Variants in WDR64 observed in about 807,000 individuals in gnomAD.
WDR64 encodes WD repeat-containing protein 64.
WDR64 carries 112 observed loss-of-function variants against 139.3 expected under a neutral mutation model. The observed-to-expected ratio is 0.80, with a 90% CI of 0.69 to 0.94. The LOEUF is 0.94. Ranked by LOEUF, WDR64 falls within the 40% of genes least tolerant of loss-of-function variation. The probability of loss-of-function intolerance (pLI) is 0.00; values close to 1 mark genes in which losing one functional copy is unlikely to be tolerated. For synonymous variants in WDR64, 444 were observed against 437.7 expected, an observed-to-expected ratio of 1.01 and a Z score of -0.18; for missense variants, 1,206 against 1,293.1, an observed-to-expected ratio of 0.93 and a Z score of 1.03.
At chr1:241,793,346 T>C (rs1659261187) in intron 25 of WDR64, among the ~76,000 whole-genome samples, 1 of 152,162 alleles carries the variant, frequency 6.6e-6, no homozygotes, top group African/African-American at 2.4e-5. Context: ...GGGGGTGTTG[T>C]TCCAGTTTGT....
chr1:241,754,883 T>C (rs1216190932), intron 14 of WDR64, among the ~76,000 whole-genome samples: 2 of 152,206 alleles, frequency 1.3e-5, no homozygotes, highest in Non-Finnish European at 2.9e-5. Flanking sequence ...TCCATAACCC[T>C]GCAAAGGACA....
chr1:241,757,330 T>C lies in WDR64; in HGVS notation c.1818T>C (p.Asp606=). The change falls in exon 15 of 28, where the codon GAT becomes GAC. Residue 606 remains aspartate, a synonymous_variant. Transcript: ENST00000437684. ...TCATGGTGATCTGGGAGCTGCCTGATGTTGTGCCTTTCCTACAAGATGGGA... is the reference window on the plus strand; with the variant it reads ...TCATGGTGATCTGGGAGCTGCCTGACGTTGTGCCTTTCCTACAAGATGGGA... ...IYLMVIWELP[D]VVPFLQDGKH... is the part of the protein sequence containing the mutation. 2 of 1,614,018 alleles carry C rather than the reference T, an allele frequency of 1.2e-6. No individual in the cohort carries two copies. The highest frequency in any genetic ancestry group is 1.7e-6 in the Non-Finnish European group (2 of 1,179,974).
chr1:241,702,936 G>A (rs1161488854), intron 8 of WDR64, among the ~76,000 whole-genome samples: 1 of 152,060 alleles, frequency 6.6e-6, no homozygotes, highest in Non-Finnish European at 1.5e-5. Context: ...TATTCTTTAT[G>A]GAAAAATTTT....
intron 10 of WDR64, among the ~76,000 whole-genome samples, chr1:241,737,839 A>T (rs985194020): frequency 6.6e-6 from 1 of 152,268 alleles, no homozygotes; most frequent in East Asian, 1.9e-4. Context: ...TCATACTCCT[A>T]GTGTGTCTAT....
chr1:241,746,361 C>T (rs1158528188), intron 13 of WDR64, among the ~76,000 whole-genome samples: 1 of 152,142 alleles, frequency 6.6e-6, no homozygotes, highest in Non-Finnish European at 1.5e-5. Context: ...ATTCTCTACT[C>T]TGAGCAATGA....
intron 7 of WDR64, among the ~76,000 whole-genome samples, chr1:241,686,525 C>T (rs1007787433): frequency 6.6e-6 from 1 of 152,128 alleles, no homozygotes. Flanking sequence ...ATCCTTGTGT[C>T]CTTAGTACCT....
chr1:241,798,582 C>T (rs183886408), intron 27 of WDR64, among the ~76,000 whole-genome samples: 85 of 152,250 alleles, frequency 5.6e-4, no homozygotes, highest in Admixed American at 1.8e-3. Flanking sequence ...GGGCATAAAA[C>T]GACCTCAGAA....
At chr1:241,731,680 A>G (rs765158354) in intron 10 of WDR64, among the ~76,000 whole-genome samples, 1 of 152,144 alleles carries the variant, frequency 6.6e-6, no homozygotes, top group Non-Finnish European at 1.5e-5. Flanking sequence ...GTACTGTTTG[A>G]ATCTGTGTAC....
intron 2 of WDR64, among the ~76,000 whole-genome samples, chr1:241,664,248 G>C (rs7367650): frequency 0.67 from 102,363 of 152,068 alleles, 35,116 homozygotes; most frequent in Non-Finnish European, 0.75. Context: ...TTGAGAATCA[G>C]GTTTTCTCAC....
At chr1:241,729,105 C>G (rs147567016) in intron 10 of WDR64, among the ~76,000 whole-genome samples, 120 of 152,278 alleles carry the variant, frequency 7.9e-4, no homozygotes, top group African/African-American at 2.8e-3. Flanking sequence ...TCATTTGTTT[C>G]CCAGAGAGCC....
At chr1:241,771,951 T>TATATATATATATATATATATAC in intron 19 of WDR64, among the ~76,000 whole-genome samples, 1 of 45,176 alleles carries the variant, frequency 2.2e-5, no homozygotes, top group East Asian at 3.5e-4. Flanking sequence ...CATACATATA[T>TATATATATATATATATATATAC]ATATATATAT....
At chr1:241,770,009 G>C (rs1053976566) in intron 17 of WDR64, among the ~76,000 whole-genome samples, 4 of 152,184 alleles carry the variant, frequency 2.6e-5, no homozygotes, top group African/African-American at 9.7e-5. Flanking sequence ...TAAGAGCTCT[G>C]GTTTGCAGGC....
intron 23 of WDR64, among the ~76,000 whole-genome samples, chr1:241,783,905 T>C (rs1444259023): frequency 6.6e-6 from 1 of 152,198 alleles, no homozygotes; most frequent in African/African-American, 2.4e-5. Context: ...AAAGGAAATG[T>C]CATGGCATTT....
intron 25 of WDR64, among the ~76,000 whole-genome samples, chr1:241,793,828 G>A (rs554397596): frequency 2.6e-5 from 4 of 152,114 alleles, no homozygotes; most frequent in African/African-American, 9.7e-5. Context: ...TTCGCCAAAG[G>A]CTCCATGTCT....
At chr1:241,670,999 C>G in intron 2 of WDR64, 75 bp from the exon 3 acceptor site, 1 of 1,058,560 alleles carries the variant, frequency 9.4e-7, no homozygotes, top group Non-Finnish European at 1.4e-6. Context: ...TTAAATTCAG[C>G]CAACATGAGA....
intron 10 of WDR64, among the ~76,000 whole-genome samples, chr1:241,730,317 C>T (rs1043652894): frequency 2.2e-4 from 33 of 152,180 alleles, no homozygotes; most frequent in Non-Finnish European, 4.1e-4. Flanking sequence ...CTATATAAGG[C>T]TTCCTTCTGA....
At chr1:241,674,508 G>C in intron 3 of WDR64, 136 bp from the exon 4 acceptor site, 1 of 560,904 alleles carries the variant, frequency 1.8e-6, no homozygotes, top group Non-Finnish European at 3.2e-6. Flanking sequence ...ACCTTCCTTA[G>C]CCTCTCAAAA....
rs747456464 is a variant in WDR64, at chr1:241,671,004, A to G, written c.277-70A>G. On this transcript the variant is annotated intron_variant, in intron 2 of 27. Coordinates refer to ENST00000437684, the MANE Select transcript of WDR64 (RefSeq NM_001367482.1). ...CTAACTAGCTTTAAATTCAGCCAACATGAGATCTGCTACTTTATAGCTAAT... is the reference window on the plus strand; with the variant it reads ...CTAACTAGCTTTAAATTCAGCCAACGTGAGATCTGCTACTTTATAGCTAAT... 75 of 1,114,178 alleles carry G rather than the reference A, an allele frequency of 6.7e-5. No homozygotes were observed. In the Admixed American group the frequency reaches 1.5e-3, roughly 22 times the overall value. 69.0% of individuals were successfully genotyped at this position (1,114,178 alleles called of 1,614,324 possible). A position where few individuals can be genotyped will look rare whatever the true frequency, so the allele number is the denominator to read the frequency against.
chr1:241,703,370 T>C lies in WDR64; in HGVS notation c.975-8432T>C, dbSNP rs1435254279. On this transcript the variant is annotated intron_variant, in intron 8 of 27. Transcript: ENST00000437684. The surrounding 1 kb of genome is among the most constrained non-coding windows in gnomAD (Gnocchi z 5.9). Reference sequence around the variant, plus strand: ...CTCTGCTTCTCTCCCTGCATCACGCTCATTAATTCATGGAACAACAGGAGA... The same window carrying C: ...CTCTGCTTCTCTCCCTGCATCACGCCCATTAATTCATGGAACAACAGGAGA... 6.6e-6 allele frequency among the ~76,000 whole-genome samples: 1 copy of C among 152,000 alleles called. No individual in the cohort carries two copies. The highest frequency in any genetic ancestry group is 2.4e-5 in the African/African-American group (1 of 41,380).
Sources: gnomAD v4.1 joint callset for allele counts (sites outside exome capture counted in the v4.1 genomes callset) on GRCh38, gnomAD v4.1.1 for gene constraint, Gnocchi (gnomAD v3.1) non-coding constraint, MANE v1.5 for transcripts, NCBI Gene and HGNC (gene_info 2026-07-23, HGNC 2026-07-21) for gene names.